The following AK9 variants were observed in gnomAD, a reference collection of about 807,000 sequenced individuals.
AK9 encodes the protein adenylate kinase domain containing 1.
A neutral mutation model predicts 239.6 loss-of-function variants in AK9; 191 were observed. The ratio of observed to expected loss-of-function variants is 0.80; its 90% CI spans 0.71 to 0.90. The LOEUF is 0.90. AK9 is among the 40% of genes least tolerant of loss of function. The pLI, the probability that AK9 is intolerant of heterozygous loss-of-function variation, is 0.00. For synonymous variants in AK9, 689 were observed against 721.0 expected, an observed-to-expected ratio of 0.96 and a Z score of 0.71; for missense variants, 1,995 against 2,214.7, an observed-to-expected ratio of 0.90 and a Z score of 1.99.
At chr6:109,616,331 A>G (rs1042393084) in intron 13 of AK9, among the ~76,000 whole-genome samples, 3 of 152,216 alleles carry the variant, frequency 2.0e-5, no homozygotes, top group Non-Finnish European at 4.4e-5. Flanking sequence ...TCAATAGGTC[A>G]AAGGATTAAA....
At chr6:109,548,299 T>A (rs529426769) in intron 25 of AK9, among the ~76,000 whole-genome samples, 2 of 152,270 alleles carry the variant, frequency 1.3e-5, no homozygotes, top group African/African-American at 4.8e-5. Context: ...AGGATCTAGT[T>A]TGAGGCACTA....
intron 19 of AK9, among the ~76,000 whole-genome samples, chr6:109,579,908 G>C (rs905184866): frequency 6.6e-6 from 1 of 152,070 alleles, no homozygotes; most frequent in African/African-American, 2.4e-5. Flanking sequence ...AAAGGCAAAT[G>C]GAAGGATTTG....
intron 8 of AK9, among the ~76,000 whole-genome samples, chr6:109,649,202 C>A (rs1798545154): frequency 6.6e-6 from 1 of 152,226 alleles, no homozygotes; most frequent in African/African-American, 2.4e-5. Flanking sequence ...TGCCCTCTCT[C>A]ACCACTCCTA....
rs563145187 is a variant in AK9, at chr6:109,596,145, T to C, written c.1843-10073A>G. Among the ~76,000 whole-genome samples, 11 of 152,342 alleles carry C rather than the reference T, an allele frequency of 7.2e-5. No individual in the cohort carries two copies. In the South Asian group the frequency reaches 2.3e-3, roughly 32 times the overall value. On this transcript the variant is annotated intron_variant, in intron 17 of 40. Coordinates refer to ENST00000424296, the MANE Select transcript of AK9 (RefSeq NM_001145128.3). ...AGCCAATGCAGATGGGTATATGCTT[T>C]GCTTGATCTTTATCGTGGGAAGCTC...
At chr6:109,654,455 C>T (rs1433464566) in intron 8 of AK9, among the ~76,000 whole-genome samples, 1 of 151,990 alleles carries the variant, frequency 6.6e-6, no homozygotes, top group Non-Finnish European at 1.5e-5. Context: ...CCTCAGCCTC[C>T]CAAGTAGCTG....
At chr6:109,548,246 G>T (rs1312225183) in intron 25 of AK9, among the ~76,000 whole-genome samples, 1 of 151,888 alleles carries the variant, frequency 6.6e-6, no homozygotes, top group African/African-American at 2.4e-5. Flanking sequence ...ACTTTTTTTT[G>T]CACCAAATAA....
intron 19 of AK9, among the ~76,000 whole-genome samples, chr6:109,582,373 T>G (rs1025646117): frequency 1.3e-5 from 2 of 152,172 alleles, no homozygotes; most frequent in Admixed American, 6.5e-5. Context: ...TTAAGAACAT[T>G]CATGATTTGT....
chr6:109,519,352 C>T (rs575756007), intron 29 of AK9, among the ~76,000 whole-genome samples: 13 of 152,206 alleles, frequency 8.5e-5, no homozygotes, highest in Non-Finnish European at 7.4e-5. Context: ...ATTGTTGGGT[C>T]GAATGGTATT....
chr6:109,604,709 A>G (rs1435924294), intron 17 of AK9, among the ~76,000 whole-genome samples: 1 of 152,214 alleles, frequency 6.6e-6, no homozygotes, highest in Non-Finnish European at 1.5e-5. Context: ...TTCCAGAGAA[A>G]CTTTAGAGTG....
chr6:109,632,250 C>T, intron 12 of AK9: 1 of 985,494 alleles, frequency 1.0e-6, no homozygotes, highest in Non-Finnish European at 1.2e-6. Context: ...CAACTTCTAA[C>T]ACCTTTCTGT....
intron 1 of AK9, among the ~76,000 whole-genome samples, chr6:109,684,986 C>T (rs1773294151): frequency 6.8e-6 from 1 of 147,594 alleles, no homozygotes; most frequent in African/African-American, 2.5e-5. Context: ...GGAAAAAATG[C>T]TCATCATCAC....
intron 29 of AK9, among the ~76,000 whole-genome samples, chr6:109,521,352 T>C (rs775665560): frequency 2.6e-5 from 4 of 152,134 alleles, no homozygotes; most frequent in Admixed American, 1.3e-4. Context: ...GTTTTAGTCA[T>C]ATTTTTGCTC....
intron 2 of AK9, 82 bp downstream of exon 2, chr6:109,675,547 G>C (rs1288290230): frequency 1.1e-6 from 1 of 915,958 alleles, no homozygotes; most frequent in East Asian, 3.0e-5. Context: ...ACAATATGTG[G>C]TTTTTATTTT....
chr6:109,611,978 A>T (rs533588499), intron 16 of AK9, 32 bp downstream of exon 16: 2 of 1,394,944 alleles, frequency 1.4e-6, no homozygotes, highest in South Asian at 2.7e-5. Context: ...ACCACAATCT[A>T]AAAGAATCAA....
At chr6:109,620,361 T>A (rs1482303215) in intron 12 of AK9, among the ~76,000 whole-genome samples, 3 of 152,176 alleles carry the variant, frequency 2.0e-5, no homozygotes, top group Non-Finnish European at 4.4e-5. Context: ...TGAAGAAGTA[T>A]CTCATTGTAG....
At chr6:109,616,540 A>G (rs1035944213) in intron 13 of AK9, among the ~76,000 whole-genome samples, 27 of 100,750 alleles carry the variant, frequency 2.7e-4, no homozygotes, top group African/African-American at 7.4e-4. Context: ...CCCACACCCA[A>G]CTAATTTTTT....
Position 109,624,470 on chromosome 6 carries a change from G to A in AK9, c.1255-5234C>T, listed in dbSNP as rs1044148094. 4.6e-5 allele frequency among the ~76,000 whole-genome samples: 7 copies of A among 152,018 alleles called. No individual in the cohort carries two copies. In the South Asian group the frequency reaches 6.2e-4, roughly 14 times the overall value. ...TGCCCTCATTCTATTATTAGACTTC[G>A]TTTGCCTGAATATAAAATTCTAGGC... is the stretch of plus-strand genomic sequence containing the variant. On this transcript the variant is annotated intron_variant, in intron 12 of 40. Coordinates refer to ENST00000424296, the MANE Select transcript of AK9 (RefSeq NM_001145128.3).
chr6:109,537,487 TTC>T (rs1166900762), intron 27 of AK9, among the ~76,000 whole-genome samples: 3 of 140,208 alleles, frequency 2.1e-5, no homozygotes, highest in Non-Finnish European at 4.9e-5. Flanking sequence ...TATTTGATTC[TTC>T]TCTCTTTTCT....
At chr6:109,598,792 T>G (rs986293967) in intron 17 of AK9, among the ~76,000 whole-genome samples, 24 of 152,334 alleles carry the variant, frequency 1.6e-4, no homozygotes, top group African/African-American at 5.8e-4. Flanking sequence ...GGTATCTCAT[T>G]GTGGTTTTGA....
Sources: gnomAD v4.1 joint callset for allele counts (sites outside exome capture counted in the v4.1 genomes callset) on GRCh38, gnomAD v4.1.1 for gene constraint, MANE v1.5 for transcripts, NCBI Gene and HGNC (gene_info 2026-07-23, HGNC 2026-07-21) for gene names.